Variants in GALNT7 observed in about 807,000 individuals in gnomAD.
GALNT7 encodes the protein polypeptide N-acetylgalactosaminyltransferase 7.
In GALNT7, 60 loss-of-function variants were observed where a neutral mutation model predicts 82.1. That is an observed-to-expected ratio of 0.73 (90% CI 0.59 to 0.91). GALNT7 has a LOEUF of 0.91. Ranked by LOEUF, GALNT7 falls within the 40% of genes least tolerant of loss-of-function variation. GALNT7 has a pLI of 0.00. For missense variants in GALNT7, 660 were observed against 804.2 expected (o/e 0.82, Z 2.17); for synonymous variants, 243 against 275.1 (o/e 0.88, Z 1.15).
intron 1 of GALNT7, among the ~76,000 whole-genome samples, chr4:173,247,261 GA>G (rs1310064815): frequency 6.6e-6 from 1 of 151,472 alleles, no homozygotes; most frequent in East Asian, 1.9e-4. Flanking sequence ...GGCCCAAACA[GA>G]AAAGAGAGGC....
intron 1 of GALNT7, among the ~76,000 whole-genome samples, chr4:173,227,604 T>G (rs1452176684): frequency 6.6e-6 from 1 of 152,210 alleles, no homozygotes; most frequent in Admixed American, 6.5e-5. Context: ...GTGTTGGGAT[T>G]ACAGGCCTGA....
chr4:173,302,092 C>G lies in GALNT7; in HGVS notation c.1194C>G (p.Phe398Leu), dbSNP rs1736963762. 1.9e-6 allele frequency: 3 copies of G among 1,603,892 alleles called. No individual in the cohort carries two copies. The highest frequency in any genetic ancestry group is 2.6e-6 in the Non-Finnish European group (3 of 1,170,810). The part of the protein sequence containing the change: ...AGGLFAIERE[F>L]FFELGLYDPG... ...GATTATTTGCCATTGAACGAGAGTT[C>G]TTCTTTGAATTGGGTCTCTATGATC... The change falls in exon 7 of 12, where the codon TTC (phenylalanine) becomes TTG (leucine). Residue 398 changes from phenylalanine to leucine, a missense_variant. Transcript: ENST00000265000. The surrounding 1 kb of genome is among the most constrained non-coding windows in gnomAD (Gnocchi z 4.2).
In GALNT7 at chr4:173,248,164, A is replaced by G. The variant is rs1474481811; in HGVS notation, c.311A>G (p.Gln104Arg). The G allele has an allele frequency of 1.9e-6, 3 of 1,613,826 alleles. No individual in the cohort carries two copies. In the East Asian group the frequency reaches 6.7e-5, roughly 36 times the overall value. ...EQEHHAGGDS[Q>R]KDIMQRQYLT... is the part of the protein sequence containing the mutation. ...GAGCACCATGCTGGAGGAGATTCCC[A>G]GAAAGATATCATGCAGAGGCAGTAT... is the stretch of plus-strand genomic sequence containing the variant. Residue 104 changes from glutamine to arginine, a missense_variant, in exon 2 of 12, where the codon CAG becomes CGG. Transcript: ENST00000265000.
At chr4:173,197,962 T>C (rs1392725527) in intron 1 of GALNT7, among the ~76,000 whole-genome samples, 1 of 152,218 alleles carries the variant, frequency 6.6e-6, no homozygotes, top group Non-Finnish European at 1.5e-5. Context: ...CCATGAGGGT[T>C]AGGGAGGCCA....
At chr4:173,294,302 A>G (rs1736642906) in intron 3 of GALNT7, among the ~76,000 whole-genome samples, 1 of 151,868 alleles carries the variant, frequency 6.6e-6, no homozygotes, top group African/African-American at 2.4e-5. Context: ...TGAAGGGAAA[A>G]TTACTCAGGT....
intron 2 of GALNT7, among the ~76,000 whole-genome samples, chr4:173,288,207 C>T (rs1235871511): frequency 4.5e-4 from 64 of 142,488 alleles, no homozygotes; most frequent in Non-Finnish European, 1.6e-4. Flanking sequence ...GGCGTGAACC[C>T]GGGAGGCGGA....
Position 173,265,974 on chromosome 4 carries a change from C to G in GALNT7, c.587+17534C>G, listed in dbSNP as rs1735474906. ...TTAAATGTGTCATAGAATTTTAGAA[C>G]TGGCCAGGCTCAATGGCTCATGCCT... is the stretch of plus-strand genomic sequence containing the variant. On this transcript the variant is annotated intron_variant, in intron 2 of 11. Transcript: ENST00000265000. Among the ~76,000 whole-genome samples the G allele has an allele frequency of 2.0e-5, 3 of 151,966 alleles. No individual in the cohort carries two copies. The South Asian group carries it at 6.2e-4, about 32-fold the overall frequency.
rs74523635 is a variant in GALNT7, at chr4:173,197,731, C to G, written c.126+28770C>G. Among the ~76,000 whole-genome samples the G allele has an allele frequency of 2.9e-3, 436 of 152,224 alleles. 2 individuals carry two copies. The highest frequency in any genetic ancestry group is 1.0e-2 in the African/African-American group (415 of 41,530). On this transcript the variant is annotated intron_variant, in intron 1 of 11. Transcript: ENST00000265000. ...CACTCAGGGTCATCCCATAGGATGT[C>G]CAGGCTGTGGTTGGAGAGAAGTGGG...
intron 2 of GALNT7, among the ~76,000 whole-genome samples, chr4:173,279,466 A>G (rs1373992414): frequency 3.3e-5 from 5 of 152,190 alleles, no homozygotes; most frequent in African/African-American, 1.2e-4. Context: ...GGGGGCAAAC[A>G]TCCAAACTAT....
At chr4:173,210,817 T>A (rs952186725) in intron 1 of GALNT7, among the ~76,000 whole-genome samples, 1 of 152,230 alleles carries the variant, frequency 6.6e-6, no homozygotes, top group Non-Finnish European at 1.5e-5. Context: ...AAATATTAAA[T>A]ATCTTTTGTA....
chr4:173,203,359 G>A (rs768613750), intron 1 of GALNT7, among the ~76,000 whole-genome samples: 8 of 152,296 alleles, frequency 5.3e-5, no homozygotes, highest in East Asian at 1.9e-4. Flanking sequence ...CCAAAGTGCC[G>A]GGATTACAGG....
chr4:173,175,345 C>T (rs1166378175), intron 1 of GALNT7, among the ~76,000 whole-genome samples: 2 of 152,154 alleles, frequency 1.3e-5, no homozygotes, highest in African/African-American at 2.4e-5. Context: ...ATTGCAAGTC[C>T]GATGGAATCC....
intron 9 of GALNT7, 95 bp from the exon 10 acceptor site, chr4:173,317,539 C>T (rs960486055): frequency 8.9e-6 from 7 of 786,380 alleles, no homozygotes; most frequent in African/African-American, 1.7e-5. Flanking sequence ...TCCCTGTAAA[C>T]TGTAATATTT....
chr4:173,290,139 T>A (rs1477917404), intron 2 of GALNT7, among the ~76,000 whole-genome samples: 1 of 152,122 alleles, frequency 6.6e-6, no homozygotes, highest in Non-Finnish European at 1.5e-5. Context: ...GTAGGGAAGA[T>A]TTCTATGCAA....
chr4:173,208,685 C>G (rs1489171034), intron 1 of GALNT7, among the ~76,000 whole-genome samples: 1 of 152,212 alleles, frequency 6.6e-6, no homozygotes, highest in Non-Finnish European at 1.5e-5. Flanking sequence ...TCCAGCCCGT[C>G]TCTTCCCTGT....
intron 2 of GALNT7, among the ~76,000 whole-genome samples, chr4:173,267,429 G>T (rs1386988703): frequency 6.6e-6 from 1 of 152,176 alleles, no homozygotes; most frequent in Non-Finnish European, 1.5e-5. Context: ...GTACTTGAGG[G>T]TTTGTGGACA....
At chr4:173,186,512 T>C (rs138155345) in intron 1 of GALNT7, among the ~76,000 whole-genome samples, 88 of 152,354 alleles carry the variant, frequency 5.8e-4, no homozygotes, top group African/African-American at 1.7e-3. Flanking sequence ...TGGGTTTAAC[T>C]TGCACTTTTA....
At chr4:173,180,944 A>C (rs558405740) in intron 1 of GALNT7, among the ~76,000 whole-genome samples, 1 of 152,204 alleles carries the variant, frequency 6.6e-6, no homozygotes, top group Non-Finnish European at 1.5e-5. Context: ...AGAGTTTTAC[A>C]TCTTCGTTTG....
intron 1 of GALNT7, among the ~76,000 whole-genome samples, chr4:173,216,840 C>G (rs1286105067): frequency 6.8e-6 from 1 of 146,532 alleles, no homozygotes; most frequent in Non-Finnish European, 1.5e-5. Flanking sequence ...AAGTGATTCT[C>G]CTGTCTCAGC....
Sources: gnomAD v4.1 joint callset for allele counts (sites outside exome capture counted in the v4.1 genomes callset) on GRCh38, gnomAD v4.1.1 for gene constraint, Gnocchi (gnomAD v3.1) non-coding constraint, MANE v1.5 for transcripts, NCBI Gene and HGNC (gene_info 2026-07-23, HGNC 2026-07-21) for gene names.